ZFPM1: variants seen among roughly 807,000 people sequenced by gnomAD.
ZFPM1 encodes zinc finger protein, FOG family member 1.
A neutral mutation model predicts 46.3 loss-of-function variants in ZFPM1; 28 were observed. That is an observed-to-expected ratio of 0.60 (90% CI 0.45 to 0.83). The LOEUF is 0.83. Among genes scored for constraint, ZFPM1 ranks in the 40% least tolerant of loss-of-function variants. The probability of loss-of-function intolerance (pLI) is 0.00; values close to 1 mark genes in which losing one functional copy is unlikely to be tolerated. For synonymous variants in ZFPM1, 957 were observed against 675.9 expected, an observed-to-expected ratio of 1.42 and a Z score of -6.45; for missense variants, 1,878 against 1,432.4, an observed-to-expected ratio of 1.31 and a Z score of -5.02.
At chr16:88,499,977 G>T (rs1240453439) in intron 3 of ZFPM1, among the ~76,000 whole-genome samples, 1 of 152,238 alleles carries the variant, frequency 6.6e-6, no homozygotes, top group African/African-American at 2.4e-5. Flanking sequence ...TGGTTGGGGG[G>T]CGGGGGCCGG....
chr16:88,528,344 T>C (rs1037878994), intron 6 of ZFPM1, 106 bp downstream of exon 6: 2 of 1,274,106 alleles, frequency 1.6e-6, no homozygotes, highest in African/African-American at 1.5e-5. Flanking sequence ...GGCTGCAGGC[T>C]GCCGACAGAG....
chr16:88,481,615 C>T (rs76923707), intron 1 of ZFPM1, among the ~76,000 whole-genome samples: 1 of 152,074 alleles, frequency 6.6e-6, no homozygotes, highest in Non-Finnish European at 1.5e-5. Flanking sequence ...TCCACTCCAC[C>T]CTGCCACAGC....
intron 1 of ZFPM1, 88 bp downstream of exon 1, chr16:88,453,766 C>A: frequency 2.5e-6 from 2 of 811,470 alleles, no homozygotes. Context: ...CGTCCCCGCT[C>A]TGCCCTGGGC....
Position 88,461,076 on chromosome 16 carries a change from A to G in ZFPM1, c.40+7398A>G, listed in dbSNP as rs539628344. On this transcript the variant is annotated intron_variant, in intron 1 of 9. Coordinates refer to ENST00000319555, the MANE Select transcript of ZFPM1 (RefSeq NM_153813.3). ...GGCCCTGGTGAGGACCCAGGGGCAG[A>G]AGGTCTGGTGAGGACCAAGGGGCAG... 1.8e-3 allele frequency among the ~76,000 whole-genome samples: 116 copies of G among 65,944 alleles called. 16 individuals are homozygous for G. The highest frequency in any genetic ancestry group is 6.7e-3 in the African/African-American group (65 of 9,722). The allele number at this position is 65,944 out of a possible 152,430, so 43.3% of individuals were successfully genotyped here.
intron 4 of ZFPM1, among the ~76,000 whole-genome samples, chr16:88,523,566 C>T (rs2142463111): frequency 6.6e-6 from 1 of 152,320 alleles, no homozygotes; most frequent in East Asian, 1.9e-4. Flanking sequence ...GGCTGGGGAC[C>T]CTGGTGGCCC....
intron 1 of ZFPM1, among the ~76,000 whole-genome samples, chr16:88,484,659 G>C (rs750909411): frequency 6.6e-6 from 1 of 152,202 alleles, no homozygotes; most frequent in Non-Finnish European, 1.5e-5. Flanking sequence ...TGGGTGCAGA[G>C]GGGGCAGTCG....
chr16:88,462,689 C>T (rs1907952984), intron 1 of ZFPM1, among the ~76,000 whole-genome samples: 2 of 152,182 alleles, frequency 1.3e-5, no homozygotes, highest in South Asian at 2.1e-4. Context: ...GAATCCTAGA[C>T]CCTCTGTCAT....
chr16:88,513,348 C>A (rs532071491), intron 3 of ZFPM1: 1 of 152,420 alleles, frequency 6.6e-6, no homozygotes, highest in South Asian at 2.1e-4. Flanking sequence ...GCAGGGCCTC[C>A]CGGCGTATTT....
In ZFPM1 at chr16:88,532,775, G is replaced by A. The variant is rs201683929; in HGVS notation, c.1043-14G>A. On this transcript the variant is annotated splice_polypyrimidine_tract_variant and intron_variant, in intron 8 of 9. Coordinates refer to ENST00000319555, the MANE Select transcript of ZFPM1 (RefSeq NM_153813.3). ...CCCCGCCCTGGGCCTTGACCACCTC[G>A]CCATGGCCCACAGGTGTCTGCCACA... 106 of 1,613,050 alleles carry A rather than the reference G, an allele frequency of 6.6e-5. No individual in the cohort carries two copies. In the African/African-American group the frequency reaches 1.2e-3, roughly 18 times the overall value.
At chr16:88,488,811 C>T (rs1280599742) in intron 2 of ZFPM1, among the ~76,000 whole-genome samples, 1 of 152,220 alleles carries the variant, frequency 6.6e-6, no homozygotes, top group Non-Finnish European at 1.5e-5. Flanking sequence ...TAACAATTAT[C>T]TTTGAAGCAA....
Position 88,534,011 on chromosome 16 carries a change from T to C in ZFPM1, c.2053T>C (p.Cys685Arg). The change falls in exon 10 of 10, where the codon TGC (cysteine) becomes CGC (arginine). Residue 685 changes from cysteine to arginine, a missense_variant. Physicochemically the swap from Cys to Arg is radical, Grantham distance 180 (BLOSUM62 -3). Transcript: ENST00000319555. Reference sequence around the variant, plus strand: ...GGAGGACGACCCCAGCCGCACGCTGTGCGAGGCCTGCAACATCCGCTTCAG... The same window carrying C: ...GGAGGACGACCCCAGCCGCACGCTGCGCGAGGCCTGCAACATCCGCTTCAG... Reference protein sequence around the residue: ...DAEDDPSRTLCEACNIRFSRH... With the variant: ...DAEDDPSRTLREACNIRFSRH... 7.3e-7 allele frequency: 1 copy of C among 1,367,846 alleles called. No homozygotes were observed. 84.7% of individuals were successfully genotyped at this position (1,367,846 alleles called of 1,614,324 possible).
At chr16:88,466,865 G>T (rs1158025938) in intron 1 of ZFPM1, among the ~76,000 whole-genome samples, 2 of 152,154 alleles carry the variant, frequency 1.3e-5, no homozygotes, top group African/African-American at 4.8e-5. Context: ...TCATGGGCAT[G>T]ATCACAGTTC....
chr16:88,468,844 G>C (rs1908281292), intron 1 of ZFPM1: 1 of 152,330 alleles, frequency 6.6e-6, no homozygotes, highest in Admixed American at 6.5e-5. Context: ...CCCTTGACCT[G>C]GGGGAGTAGT....
intron 1 of ZFPM1, among the ~76,000 whole-genome samples, chr16:88,467,556 G>A (rs938123114): frequency 6.6e-6 from 1 of 152,258 alleles, no homozygotes; most frequent in Admixed American, 6.5e-5. Context: ...AGCTGATGGT[G>A]TAGACCGCGA....
chr16:88,513,125 G>C (rs925746415), intron 3 of ZFPM1: 11 of 152,346 alleles, frequency 7.2e-5, no homozygotes, highest in African/African-American at 2.6e-4. Flanking sequence ...GGAGGGGGCG[G>C]CCTAGTGGTC....
At chr16:88,490,669 G>T (rs1033857129) in intron 3 of ZFPM1, among the ~76,000 whole-genome samples, 1 of 152,204 alleles carries the variant, frequency 6.6e-6, no homozygotes, top group Non-Finnish European at 1.5e-5. Flanking sequence ...CAACAGGGCA[G>T]CCGGGGCCAC....
intron 4 of ZFPM1, among the ~76,000 whole-genome samples, chr16:88,526,493 T>G (rs1269683509): frequency 1.3e-5 from 2 of 152,126 alleles, no homozygotes; most frequent in East Asian, 3.9e-4. Context: ...GCTCTGCTGC[T>G]CCCTGGCTGT....
chr16:88,515,444 C>A (rs1007293747), intron 4 of ZFPM1, among the ~76,000 whole-genome samples: 2 of 152,246 alleles, frequency 1.3e-5, no homozygotes, highest in African/African-American at 2.4e-5. Flanking sequence ...GCCTTTGGGA[C>A]CTTGGGTGAG....
At chr16:88,490,542 AG>A (rs1378773098) in intron 3 of ZFPM1, among the ~76,000 whole-genome samples, 1 of 152,166 alleles carries the variant, frequency 6.6e-6, no homozygotes, top group Non-Finnish European at 1.5e-5. Context: ...ATTCCTTCCC[AG>A]GGGCCAAGAT....
Sources: allele counts gnomAD v4.1 joint callset (sites outside exome capture counted in the v4.1 genomes callset), GRCh38; gene constraint gnomAD v4.1.1; transcripts MANE v1.5; gene names NCBI Gene and HGNC (gene_info 2026-07-23, HGNC 2026-07-21).